Variants in CCM2 observed in about 807,000 individuals in gnomAD.
CCM2 encodes the protein CCM2 scaffold protein, also known as cerebral cavernous malformations 2 protein.
CCM2 carries 25 observed loss-of-function variants against 44.9 expected under a neutral mutation model. That is an observed-to-expected ratio of 0.56 (90% CI 0.41 to 0.78). CCM2 has a LOEUF of 0.78. Ranked by LOEUF, CCM2 falls within the 30% of genes least tolerant of loss-of-function variation. The probability of loss-of-function intolerance (pLI) is 0.00; values close to 1 mark genes in which losing one functional copy is unlikely to be tolerated. For missense variants in CCM2, 481 were observed against 580.6 expected (o/e 0.83, Z 1.76); for synonymous variants, 219 against 241.1 (o/e 0.91, Z 0.85).
chr7:45,040,023 T>C (rs1002189502), intron 2 of CCM2, among the ~76,000 whole-genome samples: 18 of 151,446 alleles, frequency 1.2e-4, no homozygotes, highest in African/African-American at 4.1e-4. Context: ...TGAGACTGTA[T>C]GTCAAAAGAA....
In CCM2 at chr7:45,038,375, G is replaced by T. The variant is rs1797326323; in HGVS notation, c.153G>T (p.Glu51Asp). ...ACACTGTGGTGTTGTCATTGCCTGA[G>T]CGCGTCGAGCCAGACAGACTGCTGA... is the stretch of plus-strand genomic sequence containing the variant. ...PLHTVVLSLP[E>D]RVEPDRLLSD... is the part of the protein sequence containing the mutation. Residue 51 changes from glutamate (E) to aspartate (D), a missense_variant, in exon 2 of 10, where the codon GAG becomes GAT. Transcript: ENST00000258781. The T allele has an allele frequency of 1.2e-6, 2 of 1,614,194 alleles. No individual in the cohort carries two copies. Among genetic ancestry groups the T allele is most frequent in the Non-Finnish European group, 1.7e-6 (2 of 1,180,048 alleles).
At chr7:45,011,785 C>T (rs377138422) in intron 1 of CCM2, among the ~76,000 whole-genome samples, 1 of 152,316 alleles carries the variant, frequency 6.6e-6, no homozygotes, top group East Asian at 1.9e-4. Context: ...TTCTTGATCT[C>T]AAGTGATCTG....
chr7:45,019,900 G>C (rs547652320), intron 1 of CCM2, among the ~76,000 whole-genome samples: 1 of 152,254 alleles, frequency 6.6e-6, no homozygotes, highest in Admixed American at 6.5e-5. Flanking sequence ...CAACCTTCAA[G>C]CTATCGTGTC....
intron 2 of CCM2, among the ~76,000 whole-genome samples, chr7:45,052,076 A>G (rs1409695856): frequency 6.6e-6 from 1 of 152,224 alleles, no homozygotes; most frequent in Admixed American, 6.5e-5. Flanking sequence ...ATCCAAGGTG[A>G]TGATGGTACT....
Position 45,076,197 on chromosome 7 carries a change from G to A in CCM2, c.*140G>A, listed in dbSNP as rs752270519. 23 of 1,196,662 alleles carry A rather than the reference G, an allele frequency of 1.9e-5. 1 individual carries two copies. In the Admixed American group the frequency reaches 3.9e-4, roughly 21 times the overall value. 74.1% of individuals were successfully genotyped at this position (1,196,662 alleles called of 1,614,324 possible). A position where few individuals can be genotyped will look rare whatever the true frequency, so the allele number is the denominator to read the frequency against. ...GGTGCAGATGGCCCCGGGCGGCCCA[G>A]GTCCTCTACTGTGAAGGAGCAGGGA... On this transcript the variant is annotated 3_prime_UTR_variant, in exon 10 of 10. Coordinates refer to ENST00000258781, the MANE Select transcript of CCM2 (RefSeq NM_031443.4).
chr7:45,018,650 T>C (rs1376932479), intron 1 of CCM2, among the ~76,000 whole-genome samples: 1 of 152,146 alleles, frequency 6.6e-6, no homozygotes, highest in African/African-American at 2.4e-5. Context: ...CCAGCTTCTT[T>C]TGGCATTTTA....
In CCM2 at chr7:45,010,846, C is replaced by T. The variant is rs571711949; in HGVS notation, c.30+10483C>T. ...CCCCTGACCTCAGGTGATACACTTG[C>T]CACGGCCTCCCAGTCTACTTTGTAT... On this transcript the variant is annotated intron_variant, in intron 1 of 9. Coordinates refer to ENST00000258781, the MANE Select transcript of CCM2 (RefSeq NM_031443.4). Among the ~76,000 whole-genome samples the T allele has an allele frequency of 2.6e-5, 4 of 152,238 alleles. No individual in the cohort carries two copies. In the South Asian group the frequency reaches 6.2e-4, roughly 24 times the overall value.
intron 2 of CCM2, among the ~76,000 whole-genome samples, chr7:45,051,560 G>T (rs1798009638): frequency 1.3e-5 from 2 of 151,264 alleles, no homozygotes; most frequent in Non-Finnish European, 1.5e-5. Context: ...ACCACGCCTG[G>T]CTAATTTATT....
chr7:45,035,048 C>T (rs921560001), intron 1 of CCM2, among the ~76,000 whole-genome samples: 63 of 152,086 alleles, frequency 4.1e-4, no homozygotes, highest in African/African-American at 1.5e-3. Flanking sequence ...GGTTGCCGGG[C>T]TGGTCTTGAA....
chr7:45,008,227 A>T (rs1470231393), intron 1 of CCM2, among the ~76,000 whole-genome samples: 1 of 151,724 alleles, frequency 6.6e-6, no homozygotes, highest in Non-Finnish European at 1.5e-5. Flanking sequence ...TTTGGTAGAG[A>T]TGGGGTTTCC....
intron 2 of CCM2, among the ~76,000 whole-genome samples, chr7:45,041,061 A>G (rs1797472777): frequency 6.6e-6 from 1 of 152,210 alleles, no homozygotes; most frequent in Non-Finnish European, 1.5e-5. Flanking sequence ...GGGGTCTGCC[A>G]GGGAAAGGAA....
rs1021083730 is a variant in CCM2, at chr7:45,073,402, C to T, written c.804-58C>T. 22 of 1,164,776 alleles carry T rather than the reference C, an allele frequency of 1.9e-5. No homozygotes were observed. In the Admixed American group the frequency reaches 3.0e-4, roughly 16 times the overall value. 72.2% of individuals were successfully genotyped at this position (1,164,776 alleles called of 1,614,324 possible). A position where few individuals can be genotyped will look rare whatever the true frequency, so the allele number is the denominator to read the frequency against. On this transcript the variant is annotated intron_variant, in intron 7 of 9. Transcript: ENST00000258781. ...ACGGCATGGACTAGGTTTCCTGAAA[C>T]GTGTGTGGGATGGAGGGTCGGGGAA...
intron 1 of CCM2, 97 bp from the exon 2 acceptor site, chr7:45,038,156 A>G (rs1437172399): frequency 5.7e-6 from 8 of 1,402,816 alleles, no homozygotes; most frequent in Non-Finnish European, 7.0e-6. Flanking sequence ...CATGGGGGCC[A>G]TGGTAGTAGT....
chr7:45,013,822 G>T (rs1359978000), intron 1 of CCM2, among the ~76,000 whole-genome samples: 1 of 152,154 alleles, frequency 6.6e-6, no homozygotes. Context: ...ATGTCTCTCA[G>T]TTGGGTCTGT....
intron 2 of CCM2, among the ~76,000 whole-genome samples, chr7:45,046,477 A>G (rs1420679590): frequency 6.6e-6 from 1 of 152,228 alleles, no homozygotes; most frequent in African/African-American, 2.4e-5. Context: ...ACAAAGGTTC[A>G]TAAGCAATTC....
intron 1 of CCM2, among the ~76,000 whole-genome samples, chr7:45,033,610 A>C (rs891453929): frequency 6.6e-6 from 1 of 152,162 alleles, no homozygotes; most frequent in African/African-American, 2.4e-5. Flanking sequence ...GCAGGCAGAA[A>C]TGGTTTAGGG....
At chr7:45,035,313 A>G (rs2128727056) in intron 1 of CCM2, among the ~76,000 whole-genome samples, 1 of 152,352 alleles carries the variant, frequency 6.6e-6, no homozygotes, top group African/African-American at 2.4e-5. Flanking sequence ...TATTAAAAAA[A>G]TACAGAGAAA....
At chr7:45,040,788 A>G (rs2128731005) in intron 2 of CCM2, among the ~76,000 whole-genome samples, 1 of 152,322 alleles carries the variant, frequency 6.6e-6, no homozygotes, top group Admixed American at 6.5e-5. Context: ...GGAGTTTGAG[A>G]TCAGCCTGGC....
At chr7:45,004,842 CAA>C (rs1219220449) in intron 1 of CCM2, among the ~76,000 whole-genome samples, 1 of 151,946 alleles carries the variant, frequency 6.6e-6, no homozygotes, top group Non-Finnish European at 1.5e-5. Context: ...ACTAAAAATA[CAA>C]AAATTAGCTG....
Sources: allele counts gnomAD v4.1 joint callset (sites outside exome capture counted in the v4.1 genomes callset), GRCh38; gene constraint gnomAD v4.1.1; transcripts MANE v1.5; gene names NCBI Gene and HGNC (gene_info 2026-07-23, HGNC 2026-07-21).